The following ENPEP variants were observed in gnomAD, a reference collection of about 807,000 sequenced individuals.
ENPEP encodes the protein AP-A.
Under a neutral mutation model 114.5 loss-of-function variants are expected in ENPEP, and 103 were observed. That is an observed-to-expected ratio of 0.90 (90% CI 0.77 to 1.06). ENPEP has a LOEUF of 1.06. Among genes scored for constraint, ENPEP ranks in the 50% least tolerant of loss-of-function variants. ENPEP has a pLI of 0.00. For missense variants in ENPEP, 1,196 were observed against 1,161.3 expected (o/e 1.03, Z -0.43); for synonymous variants, 420 against 422.0 (o/e 1.00, Z 0.06).
chr4:110,510,271 C>CT lies in ENPEP; in HGVS notation c.1222dup (p.Trp408LeufsTer9), dbSNP rs1303741026. On this transcript the variant is annotated frameshift_variant, in exon 6 of 20. Coordinates refer to ENST00000265162, the MANE Select transcript of ENPEP (RefSeq NM_001977.4). LOFTEE classifies it high-confidence loss of function. ...GGTTTGGAAATATTGTGACCATGGA[C>CT]TGGTGGGAAGACTTGTGGCTAAATG... 6.2e-7 allele frequency: 1 copy of CT among 1,614,076 alleles called. No homozygotes were observed. The highest frequency in any genetic ancestry group is 8.5e-7 in the Non-Finnish European group (1 of 1,179,990).
chr4:110,478,250 G>A (rs1256175185), intron 1 of ENPEP, among the ~76,000 whole-genome samples: 2 of 152,126 alleles, frequency 1.3e-5, no homozygotes, highest in Non-Finnish European at 2.9e-5. Context: ...TTCCTGTGTG[G>A]TAAACTGATA....
At chr4:110,515,074 G>C (rs1437755525) in intron 7 of ENPEP, among the ~76,000 whole-genome samples, 1 of 152,054 alleles carries the variant, frequency 6.6e-6, no homozygotes, top group Non-Finnish European at 1.5e-5. Flanking sequence ...CTTTCATTAA[G>C]AAAGCCCCAT....
At chr4:110,509,498 A>G (rs1376767910) in intron 4 of ENPEP, among the ~76,000 whole-genome samples, 155 bp from the exon 5 acceptor site, 5 of 152,234 alleles carry the variant, frequency 3.3e-5, no homozygotes, top group African/African-American at 7.2e-5. Context: ...GTGCATTAGG[A>G]CTGAAATGTT....
rs1725653849 is a variant in ENPEP, at chr4:110,513,462, T to C, written c.1356T>C (p.Asp452=). 5 of 1,613,512 alleles carry C rather than the reference T, an allele frequency of 3.1e-6. No homozygotes were observed. The highest frequency in any genetic ancestry group is 3.4e-6 in the Non-Finnish European group (4 of 1,179,600). Residue 452 remains aspartate, a synonymous_variant, in exon 7 of 20, where the codon GAT becomes GAC. Coordinates refer to ENST00000265162, the MANE Select transcript of ENPEP (RefSeq NM_001977.4). The stretch of plus-strand genomic sequence containing the variant: ...ATGTATTACCTGTTCAAGAGGATGA[T>C]TCTTTGATGTCTTCGCATCCAATTA... ...LEDVLPVQED[D]SLMSSHPIIV...
rs111241857 is a variant in ENPEP at position 110,542,971 on chromosome 4, G to T, written c.1945-44G>T. ...ATATTAATTTTTTTCAACATGCTTT[G>T]CCTTAAGAATTGTGTTTTTATCTCT... On this transcript the variant is annotated intron_variant, in intron 12 of 19. Transcript: ENST00000265162. The T allele has an allele frequency of 1.2e-5, 19 of 1,610,832 alleles. No homozygotes were observed. In the African/African-American group the frequency reaches 1.6e-4, roughly 14 times the overall value.
At chr4:110,503,930 AG>A (rs967658030) in intron 3 of ENPEP, among the ~76,000 whole-genome samples, 5 of 152,206 alleles carry the variant, frequency 3.3e-5, no homozygotes, top group Admixed American at 1.3e-4. Context: ...CTCAGCCACA[AG>A]GCTCCTCTGT....
At chr4:110,529,180 C>T (rs1726310526) in intron 10 of ENPEP, among the ~76,000 whole-genome samples, 2 of 152,110 alleles carry the variant, frequency 1.3e-5, no homozygotes, top group African/African-American at 4.8e-5. Flanking sequence ...TAACTGTGGG[C>T]CTAGGTCATC....
chr4:110,520,456 A>G, intron 10 of ENPEP, 90 bp downstream of exon 10: 2 of 1,319,538 alleles, frequency 1.5e-6, no homozygotes, highest in South Asian at 2.5e-5. Flanking sequence ...TACATGATGG[A>G]TGAGTGATAT....
intron 4 of ENPEP, 106 bp downstream of exon 4, chr4:110,506,863 A>T (rs1725391354): frequency 9.6e-7 from 1 of 1,046,710 alleles, no homozygotes; most frequent in Non-Finnish European, 1.4e-6. Flanking sequence ...GTTATCCTTA[A>T]GTCCTTTTAT....
At chr4:110,488,920 T>C (rs541642366) in intron 2 of ENPEP, among the ~76,000 whole-genome samples, 1 of 152,324 alleles carries the variant, frequency 6.6e-6, no homozygotes, top group South Asian at 2.1e-4. Context: ...GACAATGCCA[T>C]AGACACACAC....
chr4:110,493,030 C>T lies in ENPEP; in HGVS notation c.918+1866C>T, dbSNP rs193126436. Among the ~76,000 whole-genome samples, 49 of 152,290 alleles carry T rather than the reference C, an allele frequency of 3.2e-4. No individual in the cohort carries two copies. The South Asian group carries it at 3.7e-3, about 12-fold the overall frequency. ...GATGACAAAGTCTCATAGGTAAGAA[C>T]AATGCATTTAACCAATCAGCAGAGG... is the stretch of plus-strand genomic sequence containing the variant. On this transcript the variant is annotated intron_variant, in intron 3 of 19. Transcript: ENST00000265162.
At position 110,510,443 on chromosome 4, in the gene ENPEP, A is replaced by C. The variant is rs566103670; in HGVS notation, c.1308+85A>C. 64 of 1,149,684 alleles carry C rather than the reference A, an allele frequency of 5.6e-5. No individual in the cohort carries two copies. The South Asian group carries it at 8.2e-4, about 15-fold the overall frequency. The allele number at this position is 1,149,684 out of a possible 1,614,324, so 71.2% of individuals were successfully genotyped here. On this transcript the variant is annotated intron_variant, in intron 6 of 19. Coordinates refer to ENST00000265162, the MANE Select transcript of ENPEP (RefSeq NM_001977.4). ...CCTTTGGACTATGATAATGGTCCCG[A>C]GTCAGATGGCAAGTACAGTGGTGAG...
rs751367175 is a variant in ENPEP at position 110,476,710 on chromosome 4, C to A, written c.296C>A (p.Pro99Gln). 1.9e-6 allele frequency: 3 copies of A among 1,613,826 alleles called. No individual in the cohort carries two copies. In the East Asian group the frequency reaches 6.7e-5, roughly 36 times the overall value. The change falls in exon 1 of 20, where the codon CCA (proline) becomes CAA (glutamine). Residue 99 changes from proline to glutamine, a missense_variant. Transcript: ENST00000265162. ...KNFRLPDFVN[P>Q]VHYDLHVKPL... ...TTTCGACTGCCGGACTTCGTCAACC[C>A]AGTCCACTACGACCTGCACGTGAAG...
At chr4:110,552,547 T>C (rs1288448208) in intron 17 of ENPEP, among the ~76,000 whole-genome samples, 4 of 152,166 alleles carry the variant, frequency 2.6e-5, no homozygotes, top group African/African-American at 9.6e-5. Context: ...TAGGATGCCA[T>C]GGGGCAGCAA....
intron 1 of ENPEP, among the ~76,000 whole-genome samples, chr4:110,478,858 C>T (rs189942677): frequency 3.6e-4 from 55 of 152,274 alleles, no homozygotes; most frequent in African/African-American, 1.3e-3. Context: ...ATAAACAAAT[C>T]ATCAAATAAC....
Position 110,488,722 on chromosome 4 carries a change from G to A in ENPEP, c.786+40G>A, listed in dbSNP as rs542595503. 3.4e-5 allele frequency: 54 copies of A among 1,582,010 alleles called. No homozygotes were observed. In the South Asian group the frequency reaches 6.0e-4, roughly 18 times the overall value. On this transcript the variant is annotated intron_variant, in intron 2 of 19. Coordinates refer to ENST00000265162, the MANE Select transcript of ENPEP (RefSeq NM_001977.4). The stretch of plus-strand genomic sequence containing the variant: ...AATGTTTTGTTTATGCAGAGAGTCT[G>A]TTGACAACATTAGGCCAGTTACCTG...
At position 110,542,697 on chromosome 4, in the gene ENPEP, G is replaced by C. The variant is rs1483019668; in HGVS notation, c.1808-54G>C. 1.2e-5 allele frequency: 18 copies of C among 1,515,706 alleles called. No homozygotes were observed. The Admixed American group carries it at 3.2e-4, about 27-fold the overall frequency. The allele number at this position is 1,515,706 out of a possible 1,614,324, so 93.9% of individuals were successfully genotyped here. On this transcript the variant is annotated intron_variant, in intron 11 of 19. Transcript: ENST00000265162. ...TTTGCCCTCTGGGTCTAATTTCTCT[G>C]TGTTGACAGTGCATGCAAACATGTT...
chr4:110,492,524 C>A (rs560295762), intron 3 of ENPEP, among the ~76,000 whole-genome samples: 8 of 152,118 alleles, frequency 5.3e-5, no homozygotes, highest in Non-Finnish European at 1.0e-4. Flanking sequence ...ATACCGTATA[C>A]AAATTATAGC....
Position 110,564,724 on chromosome 4 carries a change from A to C in ENPEP, c.*3166A>C, listed in dbSNP as rs1727773418. On this transcript the variant is annotated 3_prime_UTR_variant, in exon 20 of 20. Transcript: ENST00000265162. ...GGAAGAGGATTCTATATCCTACCCC[A>C]TTGTAGTCTAGCATGGTATGTGACT... 1 of 152,204 alleles carries C rather than the reference A, an allele frequency of 6.6e-6. No individual in the cohort carries two copies. The highest frequency in any genetic ancestry group is 2.4e-5 in the African/African-American group (1 of 41,464). 9.4% of individuals were successfully genotyped at this position (152,204 alleles called of 1,614,324 possible). A position where few individuals can be genotyped will look rare whatever the true frequency, so the allele number is the denominator to read the frequency against.
Sources: gnomAD v4.1 joint callset for allele counts (sites outside exome capture counted in the v4.1 genomes callset) on GRCh38, gnomAD v4.1.1 for gene constraint, MANE v1.5 for transcripts, NCBI Gene and HGNC (gene_info 2026-07-23, HGNC 2026-07-21) for gene names.